Variants in COL24A1 observed in about 807,000 individuals in gnomAD.
The protein encoded by COL24A1 is collagen alpha-1(XXIV) chain.
A neutral mutation model predicts 253.9 loss-of-function variants in COL24A1; 224 were observed. That is an observed-to-expected ratio of 0.88 (90% CI 0.79 to 0.99). The LOEUF is 0.99. Among genes scored for constraint, COL24A1 ranks in the 50% least tolerant of loss-of-function variants. The probability of loss-of-function intolerance (pLI) is 0.00; values close to 1 mark genes in which losing one functional copy is unlikely to be tolerated. For synonymous variants in COL24A1, 685 were observed against 673.7 expected (o/e 1.02, Z -0.26); for missense variants, 2,131 against 2,068.5 (o/e 1.03, Z -0.59).
chr1:85,825,953 CT>C (rs1300385451), intron 43 of COL24A1, among the ~76,000 whole-genome samples: 1 of 85,938 alleles, frequency 1.2e-5, no homozygotes, highest in Non-Finnish European at 2.6e-5. Flanking sequence ...TCAATTTTGG[CT>C]TTTGTTGCCA....
chr1:86,148,670 G>C (rs1652279587), intron 1 of COL24A1, among the ~76,000 whole-genome samples: 1 of 152,056 alleles, frequency 6.6e-6, no homozygotes, highest in South Asian at 2.1e-4. Flanking sequence ...CCCTACAAAG[G>C]ACATGAACTC....
intron 52 of COL24A1, 112 bp downstream of exon 52, chr1:85,781,108 C>G: frequency 1.4e-6 from 1 of 732,754 alleles, no homozygotes; most frequent in Non-Finnish European, 2.1e-6. Context: ...AAATGTATAT[C>G]TATTTTTTCC....
In COL24A1 at chr1:85,730,671, T is replaced by C; in HGVS notation, c.5020A>G (p.Lys1674Glu). Residue 1674 changes from lysine (K) to glutamate (E), a missense_variant, in exon 60 of 60, where the codon AAG (lysine) becomes GAG (glutamate). Lys to Glu is a moderately conservative substitution (Grantham distance 56, BLOSUM62 1). Transcript: ENST00000370571. Reference sequence around the variant, plus strand: ...TGGGTGTGAAAAAGAAATGTTGCCTTATGCCAGCTGCCATCTTGAATCTGT... The same window carrying C: ...TGGGTGTGAAAAAGAAATGTTGCCTCATGCCAGCTGCCATCTTGAATCTGT... ...DCKIQDGSWH[K>E]ATFLFHTQEP... is the part of the protein sequence containing the mutation. 3 of 1,613,988 alleles carry C rather than the reference T, an allele frequency of 1.9e-6. No homozygotes were observed. The highest frequency in any genetic ancestry group is 2.5e-6 in the Non-Finnish European group (3 of 1,179,892).
chr1:85,960,019 A>G (rs530941478), intron 24 of COL24A1, among the ~76,000 whole-genome samples: 10 of 152,284 alleles, frequency 6.6e-5, no homozygotes, highest in African/African-American at 2.4e-4. Flanking sequence ...AGAAAAAGCA[A>G]GAACAAAAAG....
intron 6 of COL24A1, among the ~76,000 whole-genome samples, chr1:86,089,614 G>A (rs1322494409): frequency 6.6e-6 from 1 of 152,158 alleles, no homozygotes; most frequent in Non-Finnish European, 1.5e-5. Flanking sequence ...GAGGCCAGGA[G>A]TTCAAAACCA....
At chr1:86,017,956 C>T (rs1047499496) in intron 18 of COL24A1, among the ~76,000 whole-genome samples, 14 of 151,922 alleles carry the variant, frequency 9.2e-5, no homozygotes, top group East Asian at 7.7e-4. Context: ...TTCTGACATT[C>T]ATGATAAAGA....
At chr1:86,002,663 G>A (rs1695544210) in intron 19 of COL24A1, among the ~76,000 whole-genome samples, 1 of 152,094 alleles carries the variant, frequency 6.6e-6, no homozygotes, top group African/African-American at 2.4e-5. Context: ...ATGAGCAAGA[G>A]ATGGCTAGTA....
Position 85,836,976 on chromosome 1 carries a change from T to G in COL24A1, c.3681+1609A>C, listed in dbSNP as rs564904112. On this transcript the variant is annotated intron_variant, in intron 43 of 59. Coordinates refer to ENST00000370571, the MANE Select transcript of COL24A1 (RefSeq NM_152890.7). ...TCATTTGCTGGTAAATATACTGATT[T>G]AGCTACTGAATGTTCTGTAGCTGGT... is the stretch of plus-strand genomic sequence containing the variant. 2.6e-5 allele frequency among the ~76,000 whole-genome samples: 4 copies of G among 152,332 alleles called. No homozygotes were observed. The South Asian group carries it at 6.2e-4, about 24-fold the overall frequency.
chr1:85,734,680 C>A, intron 59 of COL24A1, 69 bp downstream of exon 59: 1 of 1,386,646 alleles, frequency 7.2e-7, no homozygotes, highest in South Asian at 1.2e-5. Context: ...CTCTAATTAT[C>A]CTAATTTTAT....
At chr1:86,142,760 G>C in intron 2 of COL24A1, among the ~76,000 whole-genome samples, 1 of 152,026 alleles carries the variant, frequency 6.6e-6, no homozygotes, top group Middle Eastern at 3.4e-3. Flanking sequence ...AAAACATAAC[G>C]CAGGAAAATT....
intron 24 of COL24A1, among the ~76,000 whole-genome samples, chr1:85,915,287 T>C (rs950951609): frequency 6.6e-6 from 1 of 152,146 alleles, no homozygotes; most frequent in East Asian, 1.9e-4. Flanking sequence ...GGACTTGGAG[T>C]AGAATTTAAA....
At chr1:85,831,220 C>G (rs1189321495) in intron 43 of COL24A1, among the ~76,000 whole-genome samples, 2 of 151,942 alleles carry the variant, frequency 1.3e-5, no homozygotes, top group African/African-American at 4.8e-5. Context: ...GAGTGTGGTA[C>G]AAGTAAATGT....
At position 86,032,308 on chromosome 1, in the gene COL24A1, C is replaced by T. The variant is rs148579592; in HGVS notation, c.2005-386G>A. On this transcript the variant is annotated intron_variant, in intron 13 of 59. Coordinates refer to ENST00000370571, the MANE Select transcript of COL24A1 (RefSeq NM_152890.7). Reference sequence around the variant, plus strand: ...GTAGGGTTAGAAAAACATTTTCAGACGGTTTAAAACACTATGGACTCTTTT... The same window carrying T: ...GTAGGGTTAGAAAAACATTTTCAGATGGTTTAAAACACTATGGACTCTTTT... 2.6e-3 allele frequency among the ~76,000 whole-genome samples: 395 copies of T among 151,738 alleles called. 1 individual carries two copies. The highest frequency in any genetic ancestry group is 0.014 in the Middle Eastern group (4 of 294).
chr1:85,990,726 C>T (rs1694174030), intron 19 of COL24A1, among the ~76,000 whole-genome samples: 1 of 152,070 alleles, frequency 6.6e-6, no homozygotes. Flanking sequence ...AGATATGGGA[C>T]AATATGAACT....
intron 18 of COL24A1, among the ~76,000 whole-genome samples, chr1:86,018,698 T>C (rs1697220609): frequency 6.6e-6 from 1 of 152,218 alleles, no homozygotes; most frequent in Non-Finnish European, 1.5e-5. Flanking sequence ...TCAATTTTTC[T>C]TTATAAAAGC....
Position 86,156,578 on chromosome 1 carries a change from C to A in COL24A1, c.-182G>T. ...GAAGTCGGGAGGAGGTAGGAAATAGCACCCGAAGGGGAGGACAGGCTTCCT... is the reference window on the plus strand; with the variant it reads ...GAAGTCGGGAGGAGGTAGGAAATAGAACCCGAAGGGGAGGACAGGCTTCCT... On this transcript the variant is annotated 5_prime_UTR_variant, in exon 1 of 60. Coordinates refer to ENST00000370571, the MANE Select transcript of COL24A1 (RefSeq NM_152890.7). 2.2e-6 allele frequency: 1 copy of A among 461,178 alleles called. No homozygotes were observed. Among genetic ancestry groups the A allele is most frequent in the Middle Eastern group, 3.5e-4 (1 of 2,866 alleles). The allele number at this position is 461,178 out of a possible 1,614,324, so 28.6% of individuals were successfully genotyped here.
chr1:85,756,581 A>T (rs898969364), intron 55 of COL24A1, among the ~76,000 whole-genome samples: 3 of 152,214 alleles, frequency 2.0e-5, no homozygotes, highest in Non-Finnish European at 4.4e-5. Context: ...GTTGGTGAGG[A>T]TGTGGAGAAA....
chr1:85,832,385 G>T (rs1342205906), intron 43 of COL24A1, among the ~76,000 whole-genome samples: 1 of 152,042 alleles, frequency 6.6e-6, no homozygotes, highest in South Asian at 2.1e-4. Flanking sequence ...TGTCCTTTTG[G>T]CTTAGGTTGA....
At chr1:86,146,594 T>C (rs1311896632) in intron 1 of COL24A1, among the ~76,000 whole-genome samples, 2 of 151,836 alleles carry the variant, frequency 1.3e-5, no homozygotes, top group Non-Finnish European at 2.9e-5. Context: ...AATAGAAATT[T>C]CCACAAAAAT....
Sources: allele counts gnomAD v4.1 joint callset (sites outside exome capture counted in the v4.1 genomes callset), GRCh38; gene constraint gnomAD v4.1.1; transcripts MANE v1.5; gene names NCBI Gene and HGNC (gene_info 2026-07-23, HGNC 2026-07-21).